The following ATXN10 variants were observed in gnomAD, a reference collection of about 807,000 sequenced individuals.
ATXN10 encodes the protein ataxin-10.
A neutral mutation model predicts 52.9 loss-of-function variants in ATXN10; 28 were observed. The ratio of observed to expected loss-of-function variants is 0.53; its 90% CI spans 0.39 to 0.73. The LOEUF (loss-of-function observed/expected upper bound fraction) is 0.73. Ranked by LOEUF, ATXN10 falls within the 30% of genes least tolerant of loss-of-function variation. The pLI, the probability that ATXN10 is intolerant of heterozygous loss-of-function variation, is 0.00. For synonymous variants in ATXN10, 226 were observed against 221.5 expected, an observed-to-expected ratio of 1.02 and a Z score of -0.18; for missense variants, 565 against 577.0, an observed-to-expected ratio of 0.98 and a Z score of 0.21.
rs542230046 is a variant in ATXN10 at position 45,824,739 on chromosome 22, C to T, written c.1237+17717C>T. Among the ~76,000 whole-genome samples, 17 of 152,210 alleles carry T rather than the reference C, an allele frequency of 1.1e-4. No individual in the cohort carries two copies. Among genetic ancestry groups the T allele is most frequent in the South Asian group, 8.3e-4 (4 of 4,824 alleles). On this transcript the variant is annotated intron_variant, in intron 10 of 11. Coordinates refer to ENST00000252934, the MANE Select transcript of ATXN10 (RefSeq NM_013236.4). The surrounding 1 kb of genome is among the most constrained non-coding windows in gnomAD (Gnocchi z 5.2). The stretch of plus-strand genomic sequence containing the variant: ...TTGATAGAGGTTTTTATCTATGGAC[C>T]GAGGTGATGTGATCTAGCTTTTTCT...
At chr22:45,830,446 T>G (rs1928951383) in intron 10 of ATXN10, among the ~76,000 whole-genome samples, 2 of 152,204 alleles carry the variant, frequency 1.3e-5, no homozygotes, top group South Asian at 4.1e-4. Flanking sequence ...GAGAATATAT[T>G]TGCAAATTAT....
chr22:45,721,476 C>T (rs191815287), intron 6 of ATXN10, among the ~76,000 whole-genome samples: 5 of 152,294 alleles, frequency 3.3e-5, no homozygotes, highest in Admixed American at 1.3e-4. Context: ...CCCCCGTAAA[C>T]GTGTTGCAGG....
chr22:45,809,731 A>G (rs1672753952), intron 10 of ATXN10, among the ~76,000 whole-genome samples: 1 of 152,188 alleles, frequency 6.6e-6, no homozygotes, highest in Admixed American at 6.5e-5. Context: ...GTGTGTATAC[A>G]TTACAATGTC....
At chr22:45,734,426 A>G (rs778901911) in intron 7 of ATXN10, 1 of 254,342 alleles carries the variant, frequency 3.9e-6, no homozygotes. Flanking sequence ...TTGTTTACGT[A>G]ATTTTTGTTT....
At chr22:45,812,850 C>T (rs765917767) in intron 10 of ATXN10, among the ~76,000 whole-genome samples, 30 of 152,180 alleles carry the variant, frequency 2.0e-4, no homozygotes, top group Admixed American at 1.2e-3. Flanking sequence ...ATAGAACATT[C>T]CACTTTTGTC....
At chr22:45,794,336 GA>G (rs1350423535) in intron 9 of ATXN10, among the ~76,000 whole-genome samples, 1 of 151,596 alleles carries the variant, frequency 6.6e-6, no homozygotes, top group African/African-American at 2.4e-5. Flanking sequence ...TTCTGTCTCA[GA>G]AATATCTATT....
chr22:45,738,562 T>C (rs1925387723), intron 7 of ATXN10, 169 bp from the exon 8 acceptor site: 2 of 594,728 alleles, frequency 3.4e-6, no homozygotes, highest in Admixed American at 5.8e-5. Context: ...GTCGTGTACA[T>C]ATTTCATACT....
At chr22:45,714,758 C>T (rs550893444) in intron 5 of ATXN10, among the ~76,000 whole-genome samples, 11 of 151,988 alleles carry the variant, frequency 7.2e-5, no homozygotes, top group East Asian at 1.9e-4. Context: ...AAATGTGTTC[C>T]GTAGTTTTGA....
chr22:45,823,967 G>A lies in ATXN10; in HGVS notation c.1237+16945G>A, dbSNP rs1928737185. On this transcript the variant is annotated intron_variant, in intron 10 of 11. Coordinates refer to ENST00000252934, the MANE Select transcript of ATXN10 (RefSeq NM_013236.4). The surrounding 1 kb of genome is among the most constrained non-coding windows in gnomAD (Gnocchi z 4.9). ...GGGTCTGTCGCTTGTACTTTTTTGTGAGCTCCTTGAGAGCAAAGCACATCA... is the reference window on the plus strand; with the variant it reads ...GGGTCTGTCGCTTGTACTTTTTTGTAAGCTCCTTGAGAGCAAAGCACATCA... 6.6e-6 allele frequency among the ~76,000 whole-genome samples: 1 copy of A among 152,164 alleles called. No homozygotes were observed. The highest frequency in any genetic ancestry group is 6.5e-5 in the Admixed American group (1 of 15,282).
chr22:45,788,456 T>C (rs2146861267), intron 9 of ATXN10, among the ~76,000 whole-genome samples: 1 of 151,360 alleles, frequency 6.6e-6, no homozygotes, highest in South Asian at 2.1e-4. Flanking sequence ...ATGTATCTCG[T>C]ATCCACCTGC....
intron 10 of ATXN10, among the ~76,000 whole-genome samples, chr22:45,815,322 C>T (rs1245060622): frequency 1.3e-5 from 2 of 152,060 alleles, no homozygotes; most frequent in African/African-American, 2.4e-5. Context: ...ATAATAGTTA[C>T]GTGGGGTAGA....
Position 45,693,374 on chromosome 22 carries a change from G to A in ATXN10, c.391+296G>A, listed in dbSNP as rs77842755. On this transcript the variant is annotated intron_variant, in intron 3 of 11. Transcript: ENST00000252934. ...AAATGTATTGCTTACAGTTCTGGAGGCTGGAAAGTCCAAGATTAAGGTACC... is the reference window on the plus strand; with the variant it reads ...AAATGTATTGCTTACAGTTCTGGAGACTGGAAAGTCCAAGATTAAGGTACC... Among the ~76,000 whole-genome samples, 445 of 152,270 alleles carry A rather than the reference G, an allele frequency of 2.9e-3. 2 individuals carry two copies. The highest frequency in any genetic ancestry group is 8.7e-3 in the South Asian group (42 of 4,822).
chr22:45,775,975 G>A lies in ATXN10; in HGVS notation c.1174-30984G>A, dbSNP rs533533266. The stretch of plus-strand genomic sequence containing the variant: ...GGCCACTCCACAGCCCATTGGTTCC[G>A]TCCTTGACCCACACTTGACCTGTCT... On this transcript the variant is annotated intron_variant, in intron 9 of 11. Coordinates refer to ENST00000252934, the MANE Select transcript of ATXN10 (RefSeq NM_013236.4). This position sits in a 1 kb window ranked among gnomAD's most constrained non-coding sequence, Gnocchi z 4.7. Among the ~76,000 whole-genome samples, 5 of 152,250 alleles carry A rather than the reference G, an allele frequency of 3.3e-5. No homozygotes were observed. Among genetic ancestry groups the A allele is most frequent in the South Asian group, 2.1e-4 (1 of 4,814 alleles).
Position 45,738,731 on chromosome 22 carries a change from G to A in ATXN10, c.895G>A (p.Glu299Lys). ...AAGTTATGTTTTCTTTTCTTTCTAG[G>A]AGGCACTGGCTACAATTAGGCTTCT... Reference protein sequence around the residue: ...LASEEPPDDEEALATIRLLDV... With the variant: ...LASEEPPDDEKALATIRLLDV... Residue 299 changes from glutamate (E) to lysine (K), a missense_variant and splice_region_variant, in exon 8 of 12, where the codon GAG (glutamate) becomes AAG (lysine). By Grantham distance (56) the Glu-to-Lys change is moderately conservative. Coordinates refer to ENST00000252934, the MANE Select transcript of ATXN10 (RefSeq NM_013236.4). The A allele has an allele frequency of 6.2e-7, 1 of 1,612,356 alleles. No individual in the cohort carries two copies. Among genetic ancestry groups the A allele is most frequent in the East Asian group, 2.2e-5 (1 of 44,860 alleles).
chr22:45,778,784 G>C (rs549621184), intron 9 of ATXN10, among the ~76,000 whole-genome samples: 2 of 152,280 alleles, frequency 1.3e-5, no homozygotes, highest in African/African-American at 4.8e-5. Flanking sequence ...GAAAAGATGA[G>C]AATGGGAAAA....
At chr22:45,788,299 G>T (rs947247541) in intron 9 of ATXN10, among the ~76,000 whole-genome samples, 1 of 151,996 alleles carries the variant, frequency 6.6e-6, no homozygotes, top group East Asian at 1.9e-4. Flanking sequence ...CTGTGCCCTT[G>T]AGTCCCGCAT....
At position 45,686,894 on chromosome 22, in the gene ATXN10, G is replaced by A. The variant is rs567388940; in HGVS notation, c.117-2818G>A. ...GAGATTTGGAGAGGACTTTCTTCTG[G>A]TGGTGAGATATGTTTGAGCAAAGAC... is the stretch of plus-strand genomic sequence containing the variant. On this transcript the variant is annotated intron_variant, in intron 1 of 11. Coordinates refer to ENST00000252934, the MANE Select transcript of ATXN10 (RefSeq NM_013236.4). 4.6e-5 allele frequency among the ~76,000 whole-genome samples: 7 copies of A among 152,118 alleles called. No homozygotes were observed. The East Asian group carries it at 1.4e-3, about 29-fold the overall frequency.
rs550801425 is a variant in ATXN10, at chr22:45,686,842, G to T, written c.117-2870G>T. ...TCAAAAAAAAAAAAAAAAAGGAGATGTAAGTTTCTCCCAGGCAGAGGATTG... is the reference window on the plus strand; with the variant it reads ...TCAAAAAAAAAAAAAAAAAGGAGATTTAAGTTTCTCCCAGGCAGAGGATTG... On this transcript the variant is annotated intron_variant, in intron 1 of 11. Coordinates refer to ENST00000252934, the MANE Select transcript of ATXN10 (RefSeq NM_013236.4). Among the ~76,000 whole-genome samples the T allele has an allele frequency of 2.0e-5, 3 of 150,042 alleles. No individual in the cohort carries two copies. The East Asian group carries it at 5.9e-4, about 29-fold the overall frequency.
In ATXN10 at chr22:45,835,022, T is replaced by A. The variant is rs1221645144; in HGVS notation, c.1238-7969T>A. 6.6e-6 allele frequency among the ~76,000 whole-genome samples: 1 copy of A among 152,244 alleles called. No individual in the cohort carries two copies. The highest frequency in any genetic ancestry group is 1.5e-5 in the Non-Finnish European group (1 of 68,042). ...AGACTGTGACTGCTTCGTACCACGCTTTGCTTTGAAGTGGTCAGTAAAATG... is the reference window on the plus strand; with the variant it reads ...AGACTGTGACTGCTTCGTACCACGCATTGCTTTGAAGTGGTCAGTAAAATG... On this transcript the variant is annotated intron_variant, in intron 10 of 11. Transcript: ENST00000252934. This position sits in a 1 kb window ranked among gnomAD's most constrained non-coding sequence, Gnocchi z 5.0.
Sources: allele counts gnomAD v4.1 joint callset (sites outside exome capture counted in the v4.1 genomes callset), GRCh38; gene constraint gnomAD v4.1.1; non-coding constraint Gnocchi (gnomAD v3.1); transcripts MANE v1.5; gene names NCBI Gene and HGNC (gene_info 2026-07-23, HGNC 2026-07-21).